The following ADAMTSL1 variants were observed in gnomAD, a reference collection of about 807,000 sequenced individuals.
ADAMTSL1 encodes the protein ADAMTS-like protein 1.
ADAMTSL1 carries 126 observed loss-of-function variants against 201.8 expected under a neutral mutation model. The observed-to-expected ratio is 0.62, with a 90% CI of 0.54 to 0.72. The LOEUF (loss-of-function observed/expected upper bound fraction) is 0.72. ADAMTSL1 is among the 30% of genes least tolerant of loss of function. The pLI is 0.00. For synonymous variants in ADAMTSL1, 1,121 were observed against 903.4 expected, an observed-to-expected ratio of 1.24 and a Z score of -4.32; for missense variants, 2,679 against 2,277.8, an observed-to-expected ratio of 1.18 and a Z score of -3.59.
intron 2 of ADAMTSL1, among the ~76,000 whole-genome samples, chr9:18,396,314 TC>T (rs1817751767): frequency 6.6e-6 from 1 of 152,162 alleles, no homozygotes; most frequent in Non-Finnish European, 1.5e-5. Context: ...CTGGACTTAT[TC>T]AATATAAAAA....
intron 2 of ADAMTSL1, among the ~76,000 whole-genome samples, chr9:18,298,839 G>A (rs887652438): frequency 6.6e-6 from 1 of 151,696 alleles, no homozygotes; most frequent in Admixed American, 6.6e-5. Flanking sequence ...GTGAAACCCC[G>A]TCTCTATTAA....
rs796787785 is a variant in ADAMTSL1 at position 18,720,134 on chromosome 9, C to T, written c.1877-1402C>T. Among the ~76,000 whole-genome samples, 253 of 152,202 alleles carry T rather than the reference C, an allele frequency of 1.7e-3. 2 individuals are homozygous for T. Among genetic ancestry groups the T allele is most frequent in the African/African-American group, 5.7e-3 (238 of 41,520 alleles). On this transcript the variant is annotated intron_variant, in intron 14 of 28. Coordinates refer to ENST00000380548, the MANE Select transcript of ADAMTSL1 (RefSeq NM_001040272.6). The stretch of plus-strand genomic sequence containing the variant: ...TGAGCTCTGCTGAAATGATTCCAGA[C>T]AAATGTCTAGGTTATTCCTAAAGAT...
chr9:18,283,963 G>T (rs1832897927), intron 2 of ADAMTSL1, among the ~76,000 whole-genome samples: 1 of 138,300 alleles, frequency 7.2e-6, no homozygotes, highest in South Asian at 2.4e-4. Context: ...GGGTGTGGTG[G>T]CTCACACCTG....
rs186570081 is a variant in ADAMTSL1, at chr9:18,884,728, G to T, written c.4250-3103G>T. On this transcript the variant is annotated intron_variant, in intron 23 of 28. Coordinates refer to ENST00000380548, the MANE Select transcript of ADAMTSL1 (RefSeq NM_001040272.6). ...ACTACATATTTAAAAGTCTGTTTCC[G>T]GTCTCTATTCTGTTCTTTTGTTCTC... Among the ~76,000 whole-genome samples the T allele has an allele frequency of 2.0e-5, 3 of 151,864 alleles. No individual in the cohort carries two copies. The South Asian group carries it at 6.3e-4, about 32-fold the overall frequency.
intron 4 of ADAMTSL1, among the ~76,000 whole-genome samples, chr9:18,579,785 A>G (rs1280711999): frequency 6.6e-6 from 1 of 152,218 alleles, no homozygotes; most frequent in African/African-American, 2.4e-5. Context: ...AGAGTTAATG[A>G]GCCATCACAA....
chr9:18,413,186 T>C (rs533429827), intron 2 of ADAMTSL1, among the ~76,000 whole-genome samples: 1 of 150,488 alleles, frequency 6.6e-6, no homozygotes, highest in South Asian at 2.1e-4. Flanking sequence ...TTCGCTCTTA[T>C]TGCCCAGTCT....
chr9:17,992,698 AGCCT>A (rs1456144861), intron 1 of ADAMTSL1, among the ~76,000 whole-genome samples: 2 of 152,180 alleles, frequency 1.3e-5, no homozygotes, highest in African/African-American at 4.8e-5. Flanking sequence ...ACTGCACTGC[AGCCT>A]GGGTGAACGG....
chr9:18,718,039 C>G, intron 14 of ADAMTSL1: 1 of 1,576,546 alleles, frequency 6.3e-7, no homozygotes, highest in Non-Finnish European at 8.7e-7. Flanking sequence ...TGTTAATCTG[C>G]CGCACTAGGT....
intron 2 of ADAMTSL1, among the ~76,000 whole-genome samples, chr9:18,374,458 A>T (rs1837196828): frequency 6.6e-6 from 1 of 151,670 alleles, no homozygotes; most frequent in Non-Finnish European, 1.5e-5. Context: ...CTCAGCCTCC[A>T]AGTAGCTGGG....
chr9:18,554,116 G>T (rs368696667), intron 3 of ADAMTSL1, among the ~76,000 whole-genome samples: 1 of 148,792 alleles, frequency 6.7e-6, no homozygotes, highest in Non-Finnish European at 1.5e-5. Context: ...CTTTTTATTC[G>T]ACCTGAAAAT....
At position 18,622,860 on chromosome 9, in the gene ADAMTSL1, A is replaced by T. The variant is rs910169851; in HGVS notation, c.601+491A>T. On this transcript the variant is annotated intron_variant, in intron 5 of 28. Coordinates refer to ENST00000380548, the MANE Select transcript of ADAMTSL1 (RefSeq NM_001040272.6). ...GGGCAGTGATTACGTGACGTTTTGG[A>T]TTTTTGGTTTTTGAGTTTTGGTGTT... Among the ~76,000 whole-genome samples, 197 of 152,020 alleles carry T rather than the reference A, an allele frequency of 1.3e-3. 1 individual carries two copies. The highest frequency in any genetic ancestry group is 4.2e-3 in the African/African-American group (173 of 41,456).
At chr9:18,317,327 A>G (rs930351478) in intron 2 of ADAMTSL1, among the ~76,000 whole-genome samples, 1 of 151,868 alleles carries the variant, frequency 6.6e-6, no homozygotes, top group Non-Finnish European at 1.5e-5. Flanking sequence ...CAGCATGGTG[A>G]CTTTTATTAA....
chr9:18,316,302 G>T (rs1272868390), intron 2 of ADAMTSL1, among the ~76,000 whole-genome samples: 1 of 152,046 alleles, frequency 6.6e-6, no homozygotes, highest in Admixed American at 6.5e-5. Flanking sequence ...GGTTTTGAGG[G>T]CAACTGGTCT....
intron 13 of ADAMTSL1, among the ~76,000 whole-genome samples, chr9:18,700,462 G>A (rs1001357620): frequency 1.3e-5 from 2 of 152,078 alleles, no homozygotes; most frequent in Admixed American, 6.6e-5. Flanking sequence ...TCATCCAGTA[G>A]TAATTTTTTC....
chr9:18,281,592 T>C (rs950074468), intron 2 of ADAMTSL1, among the ~76,000 whole-genome samples: 4 of 152,228 alleles, frequency 2.6e-5, no homozygotes, highest in Non-Finnish European at 4.4e-5. Context: ...TTTGCGATTG[T>C]CTATTGTTTT....
chr9:18,733,629 C>CCCA (rs10636382), intron 15 of ADAMTSL1, among the ~76,000 whole-genome samples: 35,482 of 138,444 alleles, frequency 0.26, 4,826 homozygotes, highest in Non-Finnish European at 0.31. Context: ...CACCACCACT[C>CCCA]CCCCCACACA....
intron 1 of ADAMTSL1, among the ~76,000 whole-genome samples, chr9:17,966,610 A>G (rs1048523597): frequency 2.6e-5 from 4 of 152,136 alleles, no homozygotes; most frequent in South Asian, 2.1e-4. Context: ...CCCTTTAAAA[A>G]CATGTCTAGT....
intron 23 of ADAMTSL1, among the ~76,000 whole-genome samples, chr9:18,870,283 ATTC>A (rs1161494257): frequency 1.3e-5 from 2 of 152,128 alleles, no homozygotes; most frequent in Non-Finnish European, 2.9e-5. Flanking sequence ...GTTTTTGATT[ATTC>A]TTGTCAACTG....
chr9:18,375,475 T>C (rs539456650), intron 2 of ADAMTSL1, among the ~76,000 whole-genome samples: 17 of 152,350 alleles, frequency 1.1e-4, no homozygotes, highest in Middle Eastern at 3.4e-3. Flanking sequence ...GTCTGATTTG[T>C]GCTGACAAAT....
Sources: gnomAD v4.1 joint callset for allele counts (sites outside exome capture counted in the v4.1 genomes callset) on GRCh38, gnomAD v4.1.1 for gene constraint, MANE v1.5 for transcripts, NCBI Gene and HGNC (gene_info 2026-07-23, HGNC 2026-07-21) for gene names.